Variants in TAB2 observed in about 807,000 individuals in gnomAD.
The protein encoded by TAB2 is TGF-beta-activated kinase 1 and MAP3K7-binding protein 2.
TAB2 carries 3 observed loss-of-function variants against 65.0 expected under a neutral mutation model. That is an observed-to-expected ratio of 0.05 (90% confidence interval 0.02 to 0.12). The LOEUF (loss-of-function observed/expected upper bound fraction) is 0.12. TAB2 is among the 10% of genes least tolerant of loss of function. The probability of loss-of-function intolerance (pLI) is 1.00; values close to 1 mark genes in which losing one functional copy is unlikely to be tolerated. For synonymous variants in TAB2, 298 were observed against 285.1 expected, an observed-to-expected ratio of 1.05 and a Z score of -0.46; for missense variants, 623 against 840.3, an observed-to-expected ratio of 0.74 and a Z score of 3.20.
chr6:149,241,445 T>C (rs183153729), intron 1 of TAB2, among the ~76,000 whole-genome samples: 35 of 152,382 alleles, frequency 2.3e-4, no homozygotes, highest in Non-Finnish European at 4.6e-4. Context: ...AATTGTTGTA[T>C]TTGTTTCTTT....
At chr6:149,284,991 G>A (rs550289487) in intron 1 of TAB2, among the ~76,000 whole-genome samples, 116 of 152,134 alleles carry the variant, frequency 7.6e-4, no homozygotes, top group Non-Finnish European at 1.4e-3. Flanking sequence ...GCAGGAGAGC[G>A]CTGTTTTGGA....
chr6:149,315,659 G>A (rs1333849792), upstream of TAB2, among the ~76,000 whole-genome samples: 4 of 152,146 alleles, frequency 2.6e-5, no homozygotes, highest in African/African-American at 9.7e-5. Flanking sequence ...TCGTTACCAT[G>A]TCTTTAGTTT....
intron 1 of TAB2, among the ~76,000 whole-genome samples, chr6:149,226,324 T>C (rs1399795184): frequency 6.6e-6 from 1 of 152,112 alleles, no homozygotes; most frequent in Non-Finnish European, 1.5e-5. Flanking sequence ...AGGACCCGCG[T>C]GCTTCCGCTC....
intron 1 of TAB2, among the ~76,000 whole-genome samples, chr6:149,297,011 C>T (rs1350127429): frequency 6.6e-6 from 1 of 152,050 alleles, no homozygotes; most frequent in Non-Finnish European, 1.5e-5. Context: ...TACTTAGATT[C>T]ACTAATTGGT....
chr6:149,314,837 G>A (rs1428406403), upstream of TAB2, among the ~76,000 whole-genome samples: 1 of 150,860 alleles, frequency 6.6e-6, no homozygotes, highest in East Asian at 1.9e-4. Context: ...AGACTAAAAA[G>A]CTCTTGAATG....
chr6:149,373,321 T>G (rs1781291610), intron 2 of TAB2, among the ~76,000 whole-genome samples: 1 of 152,230 alleles, frequency 6.6e-6, no homozygotes, highest in Non-Finnish European at 1.5e-5. Flanking sequence ...AATTGGTATT[T>G]CTTTTCAAAG....
chr6:149,260,703 A>G (rs1778136136), intron 1 of TAB2, among the ~76,000 whole-genome samples: 1 of 152,198 alleles, frequency 6.6e-6, no homozygotes, highest in African/African-American at 2.4e-5. Context: ...GTGGCGTGGT[A>G]TTCACTGAGA....
At chr6:149,407,635 A>AATTT (rs1782709859) in intron 6 of TAB2, among the ~76,000 whole-genome samples, 1 of 152,286 alleles carries the variant, frequency 6.6e-6, no homozygotes, top group African/African-American at 2.4e-5. Context: ...CATGAATAGA[A>AATTT]ATTTAGTCCT....
In TAB2 at chr6:149,392,287, C is replaced by T. The variant is rs537145489; in HGVS notation, c.1604-5317C>T. Among the ~76,000 whole-genome samples the T allele has an allele frequency of 2.6e-5, 4 of 152,166 alleles. No individual in the cohort carries two copies. In the South Asian group the frequency reaches 6.2e-4, roughly 24 times the overall value. ...TTCTGAGTAGCTGAGATTACAGGCA[C>T]GCGCCACTACCACCTGGCTGATTTT... is the stretch of plus-strand genomic sequence containing the variant. On this transcript the variant is annotated intron_variant, in intron 3 of 6. Transcript: ENST00000637181.
intron 6 of TAB2, chr6:149,400,360 A>C (rs577687718): frequency 1.9e-6 from 3 of 1,605,678 alleles, no homozygotes; most frequent in South Asian, 1.1e-5. Context: ...CTCTTTTGTG[A>C]AGCAGCAGCT....
intron 1 of TAB2, among the ~76,000 whole-genome samples, chr6:149,367,189 T>C (rs1372405919): frequency 1.3e-5 from 2 of 152,112 alleles, no homozygotes; most frequent in Non-Finnish European, 2.9e-5. Context: ...CAGGTATTGA[T>C]ACATGTTATG....
At chr6:149,355,481 C>T (rs978568947) in intron 1 of TAB2, among the ~76,000 whole-genome samples, 3 of 151,858 alleles carry the variant, frequency 2.0e-5, no homozygotes, top group African/African-American at 2.4e-5. Flanking sequence ...GCCTGGCCAA[C>T]GTGGAGAAAC....
chr6:149,287,279 T>C (rs1276798798), intron 1 of TAB2, among the ~76,000 whole-genome samples: 1 of 152,236 alleles, frequency 6.6e-6, no homozygotes, highest in Non-Finnish European at 1.5e-5. Context: ...TATGTTTTTC[T>C]ACATTGAGCA....
intron 1 of TAB2, among the ~76,000 whole-genome samples, chr6:149,275,260 G>T (rs1438681086): frequency 1.4e-5 from 2 of 144,560 alleles, no homozygotes; most frequent in Non-Finnish European, 3.0e-5. Flanking sequence ...AAGAAAGAAA[G>T]AAAGAAAGAA....
chr6:149,314,756 T>C (rs1779221087), upstream of TAB2, among the ~76,000 whole-genome samples: 1 of 152,212 alleles, frequency 6.6e-6, no homozygotes, highest in Non-Finnish European at 1.5e-5. Flanking sequence ...AGTCTGAATT[T>C]TAATTTTGTT....
At chr6:149,373,612 T>A (rs1781303260) in intron 2 of TAB2, among the ~76,000 whole-genome samples, 1 of 152,228 alleles carries the variant, frequency 6.6e-6, no homozygotes. Flanking sequence ...GCTTTGATAC[T>A]ATCTGTAATT....
At chr6:149,386,818 G>T (rs1307873307) in intron 3 of TAB2, among the ~76,000 whole-genome samples, 1 of 152,134 alleles carries the variant, frequency 6.6e-6, no homozygotes, top group Non-Finnish European at 1.5e-5. Context: ...CCTAGTGGCT[G>T]CAAAGTATTT....
intron 1 of TAB2, among the ~76,000 whole-genome samples, chr6:149,289,498 G>A (rs181030447): frequency 3.9e-5 from 6 of 152,264 alleles, no homozygotes; most frequent in Admixed American, 3.3e-4. Context: ...TGGGCTAGAG[G>A]CCTCTAAAAG....
At chr6:149,289,657 G>A (rs1420763417) in intron 1 of TAB2, among the ~76,000 whole-genome samples, 1 of 152,198 alleles carries the variant, frequency 6.6e-6, no homozygotes, top group Non-Finnish European at 1.5e-5. Flanking sequence ...CCTCACTGCT[G>A]TTGATGAAAA....
Sources: gnomAD v4.1 joint callset for allele counts (sites outside exome capture counted in the v4.1 genomes callset) on GRCh38, gnomAD v4.1.1 for gene constraint, MANE v1.5 for transcripts, NCBI Gene and HGNC (gene_info 2026-07-23, HGNC 2026-07-21) for gene names.